The following HHLA2 variants were observed in gnomAD, a reference collection of about 807,000 sequenced individuals.
The protein encoded by HHLA2 is HHLA2 member of B7 family.
In HHLA2, 48 loss-of-function variants were observed where a neutral mutation model predicts 45.9. The ratio of observed to expected loss-of-function variants is 1.05; its 90% CI spans 0.83 to 1.33. The LOEUF (loss-of-function observed/expected upper bound fraction) is 1.33, where lower values mean the gene tolerates loss of function less well. Ranked by LOEUF, HHLA2 falls within the 40% of genes most tolerant of loss-of-function variation. The probability of loss-of-function intolerance (pLI) is 0.00; values close to 1 mark genes in which losing one functional copy is unlikely to be tolerated. For synonymous variants in HHLA2, 161 were observed against 173.9 expected, an observed-to-expected ratio of 0.93 and a Z score of 0.59; for missense variants, 462 against 494.3, an observed-to-expected ratio of 0.93 and a Z score of 0.62.
intron 3 of HHLA2, among the ~76,000 whole-genome samples, chr3:108,350,053 T>C (rs1027264730): frequency 6.6e-6 from 1 of 152,190 alleles, no homozygotes; most frequent in Non-Finnish European, 1.5e-5. Context: ...AAGGTATTAT[T>C]ACATGTTTAC....
chr3:108,302,328 C>T lies in HHLA2; in HGVS notation c.-192+5729C>T, dbSNP rs185994901. Among the ~76,000 whole-genome samples, 313 of 152,256 alleles carry T rather than the reference C, an allele frequency of 2.1e-3. 5 individuals carry two copies. In the South Asian group the frequency reaches 0.03, roughly 15 times the overall value. On this transcript the variant is annotated intron_variant, in intron 1 of 10. Transcript: ENST00000619531. ...CTGGAAACTGTAAATATTTTACCATCCAGGGTTCAACCTCCTACCCCTTAT... is the reference window on the plus strand; with the variant it reads ...CTGGAAACTGTAAATATTTTACCATTCAGGGTTCAACCTCCTACCCCTTAT...
chr3:108,376,509 T>A, exon 10 of HHLA2: 1 of 1,607,216 alleles, frequency 6.2e-7, no homozygotes, highest in African/African-American at 1.3e-5. Flanking sequence ...GTTGTGTCCC[T>A]CCTGGTGAGC....
At chr3:108,352,423 A>G (rs1047549660) in intron 4 of HHLA2, among the ~76,000 whole-genome samples, 1 of 152,096 alleles carries the variant, frequency 6.6e-6, no homozygotes. Flanking sequence ...CCCAGAAGGG[A>G]AGGTAGAGGA....
intron 2 of HHLA2, among the ~76,000 whole-genome samples, chr3:108,314,090 T>TA (rs1412842144): frequency 2.0e-5 from 3 of 152,206 alleles, no homozygotes; most frequent in Non-Finnish European, 2.9e-5. Context: ...CGCATAATTG[T>TA]ATATACCTTT....
At position 108,355,374 on chromosome 3, in the gene HHLA2, G is replaced by A. The variant is rs370855186; in HGVS notation, c.678G>A (p.Thr226=). The change falls in exon 6 of 11, where the codon ACG becomes ACA. Residue 226 remains threonine (T), a synonymous_variant. Coordinates refer to ENST00000619531, the Ensembl canonical transcript of HHLA2. ...AGCAAACATGGACAGGGCGCTGGACGATGAAAGGTAGGCTCCACAGGACTT... is the reference window on the plus strand; with the variant it reads ...AGCAAACATGGACAGGGCGCTGGACAATGAAAGGTAGGCTCCACAGGACTT... 3.2e-5 allele frequency: 51 copies of A among 1,612,190 alleles called. No individual in the cohort carries two copies. In the African/African-American group the frequency reaches 4.7e-4, roughly 15 times the overall value.
chr3:108,360,372 A>T (rs10804467), intron 7 of HHLA2, among the ~76,000 whole-genome samples: 87,024 of 151,968 alleles, frequency 0.57, 25,467 homozygotes, highest in Middle Eastern at 0.63. Flanking sequence ...CAGATAGAAG[A>T]TTCATTTTCA....
At chr3:108,359,650 G>A (rs2081955798) in intron 7 of HHLA2, among the ~76,000 whole-genome samples, 1 of 152,166 alleles carries the variant, frequency 6.6e-6, no homozygotes, top group African/African-American at 2.4e-5. Context: ...ACAGATGGGG[G>A]AACCTGAGGG....
intron 3 of HHLA2, among the ~76,000 whole-genome samples, chr3:108,339,562 C>CAT (rs59412444): frequency 0.014 from 2,045 of 150,884 alleles, 42 homozygotes; most frequent in African/African-American, 0.045. Flanking sequence ...GTATATAGCA[C>CAT]ATATATATAT....
chr3:108,376,421 G>T, intron 9 of HHLA2, 72 bp from the exon 9 acceptor site: 1 of 1,132,110 alleles, frequency 8.8e-7, no homozygotes, highest in South Asian at 1.5e-5. Context: ...TGATTATATT[G>T]AGATAGGACT....
intron 2 of HHLA2, among the ~76,000 whole-genome samples, chr3:108,320,041 C>T (rs1253075626): frequency 6.6e-6 from 1 of 152,086 alleles, no homozygotes; most frequent in African/African-American, 2.4e-5. Flanking sequence ...CATGAATATC[C>T]CACTTATTTT....
At chr3:108,333,809 C>T (rs2081427567) in intron 3 of HHLA2, among the ~76,000 whole-genome samples, 1 of 152,064 alleles carries the variant, frequency 6.6e-6, no homozygotes, top group Admixed American at 6.6e-5. Flanking sequence ...GAGTGCAAAC[C>T]ATTGCTGAAT....
intron 8 of HHLA2, among the ~76,000 whole-genome samples, chr3:108,368,535 CAAAAAAAAAAAAAAAAAAAAAA>C (rs55718572): frequency 1.5e-4 from 1 of 6,602 alleles, no homozygotes; most frequent in Non-Finnish European, 2.5e-4. Context: ...AAACGAAGAG[CAAAAAAAAAAAAAAAAAAAAAA>C]AAAAAAAAAA....
chr3:108,322,230 G>C (rs961682340), intron 2 of HHLA2, among the ~76,000 whole-genome samples: 1 of 152,178 alleles, frequency 6.6e-6, no homozygotes, highest in Non-Finnish European at 1.5e-5. Flanking sequence ...GTCACTGGAG[G>C]GTGATACAGG....
rs3053487 is a variant in HHLA2, at chr3:108,356,029, C to CTTTTT, written c.685+662_685+666dup. Reference sequence around the variant, plus strand: ...TCCAAGTCCAAGAAAATTTGTTTTCCTTTTTTTTTTTTTTTTTTGAGATGG... The same window carrying CTTTTT: ...TCCAAGTCCAAGAAAATTTGTTTTCCTTTTTTTTTTTTTTTTTTTTTTTGAGATGG... On this transcript the variant is annotated intron_variant, in intron 6 of 10. Coordinates refer to ENST00000619531, the Ensembl canonical transcript of HHLA2. Among the ~76,000 whole-genome samples, 80 of 118,208 alleles carry CTTTTT rather than the reference C, an allele frequency of 6.8e-4. 1 individual carries two copies. The highest frequency in any genetic ancestry group is 9.8e-4 in the Non-Finnish European group (59 of 60,336). 77.5% of individuals were successfully genotyped at this position (118,208 alleles called of 152,430 possible).
intron 4 of HHLA2, 43 bp from the exon 4 acceptor site, chr3:108,353,384 A>G (rs2081816625): frequency 8.6e-6 from 11 of 1,279,344 alleles, no homozygotes; most frequent in Non-Finnish European, 1.1e-5. Flanking sequence ...GAACAAGCAC[A>G]TGGCATTAAT....
chr3:108,344,805 T>C (rs896031909), intron 3 of HHLA2, among the ~76,000 whole-genome samples: 11 of 152,328 alleles, frequency 7.2e-5, no homozygotes, highest in Middle Eastern at 3.4e-3. Context: ...CTTTGCAGCA[T>C]TCTTGCTAAA....
chr3:108,354,076 G>T (rs1385682850), intron 5 of HHLA2, among the ~76,000 whole-genome samples: 1 of 152,198 alleles, frequency 6.6e-6, no homozygotes, highest in Non-Finnish European at 1.5e-5. Flanking sequence ...AGATTTAAAT[G>T]GGTTACTGAT....
chr3:108,327,080 G>A (rs1039974584), intron 2 of HHLA2, among the ~76,000 whole-genome samples: 9 of 152,164 alleles, frequency 5.9e-5, no homozygotes, highest in African/African-American at 2.2e-4. Flanking sequence ...ACAATTTTGG[G>A]TTGGAAGTTA....
At chr3:108,353,530 A>T in exon 5 of HHLA2, 4 of 1,613,042 alleles carry the variant, frequency 2.5e-6, no homozygotes, top group Non-Finnish European at 3.4e-6. Flanking sequence ...TTGAGAGGGG[A>T]TCCGAAGTCG....
Sources: allele counts gnomAD v4.1 joint callset (sites outside exome capture counted in the v4.1 genomes callset), GRCh38; gene constraint gnomAD v4.1.1; transcripts MANE v1.5; gene names NCBI Gene and HGNC (gene_info 2026-07-23, HGNC 2026-07-21).